ZNRF1: variants seen among roughly 807,000 people sequenced by gnomAD.
ZNRF1 encodes E3 ubiquitin-protein ligase ZNRF1.
A neutral mutation model predicts 18.4 loss-of-function variants in ZNRF1; 3 were observed. The observed-to-expected ratio is 0.16, with a 90% CI of 0.07 to 0.42. ZNRF1 has a LOEUF of 0.42. Among genes scored for constraint, ZNRF1 ranks in the 10% least tolerant of loss-of-function variants. ZNRF1 has a pLI of 0.99. For missense variants in ZNRF1, 310 were observed against 329.8 expected, an observed-to-expected ratio of 0.94 and a Z score of 0.47; for synonymous variants, 157 against 144.2, an observed-to-expected ratio of 1.09 and a Z score of -0.64.
chr16:75,064,004 A>G (rs1384548762), intron 1 of ZNRF1, among the ~76,000 whole-genome samples: 1 of 152,184 alleles, frequency 6.6e-6, no homozygotes, highest in Non-Finnish European at 1.5e-5. Flanking sequence ...CTTTTTAAAG[A>G]GACAGGGTTT....
At chr16:75,023,111 A>G (rs2035175321) in intron 1 of ZNRF1, among the ~76,000 whole-genome samples, 1 of 152,182 alleles carries the variant, frequency 6.6e-6, no homozygotes, top group Non-Finnish European at 1.5e-5. Flanking sequence ...TTAATCTGAG[A>G]CTAGAGAGGA....
At chr16:75,073,467 C>T (rs2035899346) in intron 1 of ZNRF1, among the ~76,000 whole-genome samples, 2 of 151,870 alleles carry the variant, frequency 1.3e-5, no homozygotes, top group Admixed American at 6.6e-5. Context: ...TTGTCCATTC[C>T]CCACCCCGCC....
At chr16:75,073,685 A>G (rs1597896250) in intron 1 of ZNRF1, among the ~76,000 whole-genome samples, 1 of 151,874 alleles carries the variant, frequency 6.6e-6, no homozygotes, top group African/African-American at 2.4e-5. Context: ...CATTTAATCC[A>G]TTGCTTGTGG....
At chr16:75,000,257 A>G (rs2034826250) in intron 1 of ZNRF1, 162 bp downstream of exon 1, 2 of 1,078,098 alleles carry the variant, frequency 1.9e-6, no homozygotes, top group South Asian at 1.3e-5. Flanking sequence ...TACCGTCTGG[A>G]AACTAGGCTT....
intron 1 of ZNRF1, among the ~76,000 whole-genome samples, chr16:75,050,425 C>G (rs1157358420): frequency 1.3e-5 from 2 of 152,000 alleles, no homozygotes; most frequent in Non-Finnish European, 2.9e-5. Context: ...ACTTGGGAGA[C>G]TGAGATCAGA....
At chr16:75,093,528 C>A in intron 1 of ZNRF1, 44 bp from the exon 2 acceptor site, 1 of 1,491,544 alleles carries the variant, frequency 6.7e-7, no homozygotes, top group Non-Finnish European at 9.4e-7. Context: ...TGTGGATGTA[C>A]TGGATCTGGA....
intron 1 of ZNRF1, among the ~76,000 whole-genome samples, chr16:75,008,204 A>G (rs1365467685): frequency 6.6e-6 from 1 of 152,112 alleles, no homozygotes; most frequent in Non-Finnish European, 1.5e-5. Flanking sequence ...TTCTAGTCAG[A>G]TATTTGCTAA....
At chr16:75,092,398 A>C (rs2036150255) in intron 1 of ZNRF1, among the ~76,000 whole-genome samples, 1 of 152,186 alleles carries the variant, frequency 6.6e-6, no homozygotes, top group Admixed American at 6.5e-5. Flanking sequence ...CACATTAGGA[A>C]GTCCAGGCTG....
intron 1 of ZNRF1, among the ~76,000 whole-genome samples, chr16:75,007,059 C>CT (rs11321828): frequency 1.5e-3 from 203 of 138,744 alleles, no homozygotes; most frequent in South Asian, 3.5e-3. Context: ...CAAGTTTAAT[C>CT]TTTTTTTTTT....
intron 1 of ZNRF1, among the ~76,000 whole-genome samples, chr16:75,078,946 C>T (rs748456227): frequency 6.6e-6 from 1 of 152,152 alleles, no homozygotes; most frequent in East Asian, 1.9e-4. Flanking sequence ...TATTATGAAT[C>T]AAGATTTACA....
chr16:75,039,083 C>A lies in ZNRF1; in HGVS notation c.424+38988C>A, dbSNP rs373756411. On this transcript the variant is annotated intron_variant, in intron 1 of 4. Coordinates refer to ENST00000335325, the MANE Select transcript of ZNRF1 (RefSeq NM_032268.5). ...TGAAAATGGCACTGTTGCTGCTGTT[C>A]TCAGTGCCTATCAGAATTGTGCAGA... Among the ~76,000 whole-genome samples the A allele has an allele frequency of 1.1e-4, 17 of 152,258 alleles. 2 individuals are homozygous for A. The highest frequency in any genetic ancestry group is 1.0e-3 in the South Asian group (5 of 4,820).
At chr16:75,090,925 A>AT (rs1469038654) in intron 1 of ZNRF1, among the ~76,000 whole-genome samples, 1 of 152,166 alleles carries the variant, frequency 6.6e-6, no homozygotes, top group African/African-American at 2.4e-5. Flanking sequence ...TTTAATTTGT[A>AT]TTTTTTGTAG....
At chr16:75,101,796 A>G (rs1173514443) in intron 2 of ZNRF1, among the ~76,000 whole-genome samples, 6 of 152,248 alleles carry the variant, frequency 3.9e-5, no homozygotes, top group Non-Finnish European at 7.3e-5. Flanking sequence ...AAGTGTGTGC[A>G]TCCTTCCAGA....
In ZNRF1 at chr16:75,022,366, A is replaced by G. The variant is rs561263334; in HGVS notation, c.424+22271A>G. Reference sequence around the variant, plus strand: ...ATCACGAGGTCAGGAGATCGAGACCATCCTGGCTAACATGGTGAAACCCCG... The same window carrying G: ...ATCACGAGGTCAGGAGATCGAGACCGTCCTGGCTAACATGGTGAAACCCCG... On this transcript the variant is annotated intron_variant, in intron 1 of 4. Coordinates refer to ENST00000335325, the MANE Select transcript of ZNRF1 (RefSeq NM_032268.5). Among the ~76,000 whole-genome samples, 5 of 152,004 alleles carry G rather than the reference A, an allele frequency of 3.3e-5. No individual in the cohort carries two copies. The East Asian group carries it at 9.8e-4, about 30-fold the overall frequency.
In ZNRF1 at chr16:75,065,998, A is replaced by G. The variant is rs1227353588; in HGVS notation, c.425-27574A>G. Among the ~76,000 whole-genome samples, 14 of 152,284 alleles carry G rather than the reference A, an allele frequency of 9.2e-5. No individual in the cohort carries two copies. In the South Asian group the frequency reaches 2.9e-3, roughly 32 times the overall value. ...GAGCAGGAGTGTATGGACTTGGCCA[A>G]GCACCTAGGAAGGGAAGGTAGGAGT... is the stretch of plus-strand genomic sequence containing the variant. On this transcript the variant is annotated intron_variant, in intron 1 of 4. Transcript: ENST00000335325.
chr16:75,105,377 G>C (rs1301039054), intron 3 of ZNRF1: 1 of 157,288 alleles, frequency 6.4e-6, no homozygotes, highest in East Asian at 1.9e-4. Flanking sequence ...CACAGCACTG[G>C]GCACAGTTAA....
At chr16:75,054,563 C>T (rs62059177) in intron 1 of ZNRF1, among the ~76,000 whole-genome samples, 12,796 of 152,276 alleles carry the variant, frequency 0.084, 639 homozygotes, top group Admixed American at 0.13. Flanking sequence ...GCTTCTCAGT[C>T]CTCATGCTGG....
At chr16:75,079,291 C>T (rs1015653685) in intron 1 of ZNRF1, among the ~76,000 whole-genome samples, 3 of 152,100 alleles carry the variant, frequency 2.0e-5, no homozygotes, top group African/African-American at 7.2e-5. Context: ...ACCATCCTGG[C>T]CAACATGGTG....
At chr16:75,074,415 G>C (rs6564202) in intron 1 of ZNRF1, among the ~76,000 whole-genome samples, 4,760 of 152,258 alleles carry the variant, frequency 0.031, 207 homozygotes, top group African/African-American at 0.1. Context: ...TGTCTAAAGG[G>C]TGTGGAGTTG....
Sources: gnomAD v4.1 joint callset for allele counts (sites outside exome capture counted in the v4.1 genomes callset) on GRCh38, gnomAD v4.1.1 for gene constraint, MANE v1.5 for transcripts, NCBI Gene and HGNC (gene_info 2026-07-23, HGNC 2026-07-21) for gene names.